The following ARHGEF7 variants were observed in gnomAD, a reference collection of about 807,000 sequenced individuals.
ARHGEF7 encodes PAK-interacting exchange factor beta.
Under a neutral mutation model 109.8 loss-of-function variants are expected in ARHGEF7, and 33 were observed. That is an observed-to-expected ratio of 0.30 (90% confidence interval 0.23 to 0.40). The LOEUF is 0.40. Among genes scored for constraint, ARHGEF7 ranks in the 10% least tolerant of loss-of-function variants. The pLI is 1.00. For missense variants in ARHGEF7, 938 were observed against 1,098.5 expected, an observed-to-expected ratio of 0.85 and a Z score of 2.07; for synonymous variants, 458 against 424.6, an observed-to-expected ratio of 1.08 and a Z score of -0.97.
At chr13:111,189,415 G>T (rs912307788) in intron 2 of ARHGEF7, among the ~76,000 whole-genome samples, 1 of 152,148 alleles carries the variant, frequency 6.6e-6, no homozygotes, top group South Asian at 2.1e-4. Flanking sequence ...GCAGACCTTC[G>T]CAGTGAGTGT....
At chr13:111,196,473 C>T (rs1238886996) in intron 2 of ARHGEF7, among the ~76,000 whole-genome samples, 1 of 152,218 alleles carries the variant, frequency 6.6e-6, no homozygotes, top group Non-Finnish European at 1.5e-5. Flanking sequence ...AAGGTTTGCC[C>T]TAGACCCTGT....
At chr13:111,242,282 T>C (rs1363289881) in intron 6 of ARHGEF7, among the ~76,000 whole-genome samples, 3 of 152,210 alleles carry the variant, frequency 2.0e-5, no homozygotes, top group African/African-American at 4.8e-5. Context: ...GGAATGACTG[T>C]ATTCCTTTCT....
chr13:111,291,939 G>C (rs1211915098), intron 18 of ARHGEF7, among the ~76,000 whole-genome samples, 179 bp from the exon 19 acceptor site: 1 of 152,164 alleles, frequency 6.6e-6, no homozygotes, highest in Admixed American at 6.5e-5. Context: ...TCGTTATTGT[G>C]AAACCCAGCC....
chr13:111,260,014 C>T (rs995721203), intron 8 of ARHGEF7, among the ~76,000 whole-genome samples: 4 of 151,990 alleles, frequency 2.6e-5, no homozygotes, highest in African/African-American at 9.7e-5. Context: ...ATTGATCAAG[C>T]AGAGGAAAGA....
At chr13:111,270,436 C>T (rs1013007273) in intron 9 of ARHGEF7, among the ~76,000 whole-genome samples, 2 of 151,360 alleles carry the variant, frequency 1.3e-5, no homozygotes, top group Non-Finnish European at 2.9e-5. Context: ...TTTTTAACTT[C>T]AAACTGAAAC....
At chr13:111,236,370 G>C (rs1046612457) in intron 6 of ARHGEF7, among the ~76,000 whole-genome samples, 2 of 152,080 alleles carry the variant, frequency 1.3e-5, no homozygotes, top group South Asian at 4.1e-4. Context: ...TTGTGTGCGT[G>C]TGTGTGTGGT....
At chr13:111,205,397 CGAG>C in intron 3 of ARHGEF7, 24 bp downstream of exon 3, 1 of 1,524,926 alleles carries the variant, frequency 6.6e-7, no homozygotes, top group South Asian at 1.3e-5. Flanking sequence ...TTATTGAACT[CGAG>C]GGGGTGGGAA....
chr13:111,198,714 T>G (rs1164124142), intron 2 of ARHGEF7, among the ~76,000 whole-genome samples: 1 of 152,150 alleles, frequency 6.6e-6, no homozygotes. Flanking sequence ...AGATTTATTG[T>G]GAAGAGCAAA....
chr13:111,213,815 C>T (rs1242410461), intron 4 of ARHGEF7, among the ~76,000 whole-genome samples: 1 of 152,194 alleles, frequency 6.6e-6, no homozygotes, highest in Non-Finnish European at 1.5e-5. Flanking sequence ...ACGGACCCCT[C>T]ACTCAGCTGC....
chr13:111,202,160 T>G (rs1270042855), intron 2 of ARHGEF7, among the ~76,000 whole-genome samples: 1 of 152,184 alleles, frequency 6.6e-6, no homozygotes, highest in East Asian at 1.9e-4. Context: ...CGTATTATGG[T>G]GCGAAGTGTG....
rs550370681 is a variant in ARHGEF7 at position 111,126,257 on chromosome 13, G to A, written c.165+10566G>A. ...TATAATCCTAGCACTTTGGGAGGCCGAGGTAGGCGGATCACCTGAGGTCAG... is the reference window on the plus strand; with the variant it reads ...TATAATCCTAGCACTTTGGGAGGCCAAGGTAGGCGGATCACCTGAGGTCAG... On this transcript the variant is annotated intron_variant, in intron 1 of 21. Transcript: ENST00000646102. 3.9e-5 allele frequency among the ~76,000 whole-genome samples: 6 copies of A among 152,312 alleles called. No homozygotes were observed. In the South Asian group the frequency reaches 1.0e-3, roughly 26 times the overall value.
intron 8 of ARHGEF7, 106 bp from the exon 9 acceptor site, chr13:111,267,442 G>A (rs1178784586): frequency 3.5e-6 from 5 of 1,442,014 alleles, no homozygotes; most frequent in African/African-American, 2.8e-5. Context: ...TCACAGATGG[G>A]TGCAGAGGGA....
At chr13:111,165,787 C>A (rs2077080498) in intron 2 of ARHGEF7, among the ~76,000 whole-genome samples, 1 of 152,146 alleles carries the variant, frequency 6.6e-6, no homozygotes, top group African/African-American at 2.4e-5. Context: ...CATTTTCTAG[C>A]AAATAGAAAC....
intron 1 of ARHGEF7, among the ~76,000 whole-genome samples, chr13:111,134,511 T>G (rs1422052405): frequency 3.3e-5 from 5 of 152,230 alleles, no homozygotes; most frequent in Non-Finnish European, 7.3e-5. Context: ...AGTATCTCAT[T>G]GTGGTTTTGA....
Position 111,302,579 on chromosome 13 carries a change from C to T in ARHGEF7, c.2467-412C>T, listed in dbSNP as rs145217951. Among the ~76,000 whole-genome samples, 959 of 152,356 alleles carry T rather than the reference C, an allele frequency of 6.3e-3. 7 individuals are homozygous for T. The highest frequency in any genetic ancestry group is 0.011 in the Non-Finnish European group (745 of 68,042). On this transcript the variant is annotated intron_variant, in intron 21 of 21. Transcript: ENST00000646102. ...CGAGACATGCCTGGGTTCAGCTGCACAGAGCAGGTGCTCGCCCACTTGCTC... is the reference window on the plus strand; with the variant it reads ...CGAGACATGCCTGGGTTCAGCTGCATAGAGCAGGTGCTCGCCCACTTGCTC...
At chr13:111,188,030 C>T (rs773138004) in intron 2 of ARHGEF7, among the ~76,000 whole-genome samples, 2 of 152,142 alleles carry the variant, frequency 1.3e-5, no homozygotes, top group African/African-American at 4.8e-5. Context: ...TCTTATGAAC[C>T]GAGCACAGCC....
intron 12 of ARHGEF7, among the ~76,000 whole-genome samples, chr13:111,276,209 C>A (rs1295563634): frequency 6.6e-6 from 1 of 152,224 alleles, no homozygotes; most frequent in Non-Finnish European, 1.5e-5. Context: ...CAGTTTGTTT[C>A]ATGATTCACA....
intron 2 of ARHGEF7, among the ~76,000 whole-genome samples, chr13:111,161,396 G>C (rs925407104): frequency 6.6e-6 from 1 of 152,180 alleles, no homozygotes; most frequent in Admixed American, 6.5e-5. Flanking sequence ...CCCCTTTCCT[G>C]GGTTGCTGTC....
intron 5 of ARHGEF7, among the ~76,000 whole-genome samples, chr13:111,219,944 G>A (rs1192915083): frequency 6.6e-6 from 1 of 152,030 alleles, no homozygotes; most frequent in East Asian, 1.9e-4. Flanking sequence ...AGCCCACTGA[G>A]AGCGCGGCAC....
Sources: gnomAD v4.1 joint callset for allele counts (sites outside exome capture counted in the v4.1 genomes callset) on GRCh38, gnomAD v4.1.1 for gene constraint, MANE v1.5 for transcripts, NCBI Gene and HGNC (gene_info 2026-07-23, HGNC 2026-07-21) for gene names.